GAB4: variants seen among roughly 807,000 people sequenced by gnomAD.
GAB4 encodes the protein GRB2 associated binding protein family member 4.
In GAB4, 26 loss-of-function variants were observed where a neutral mutation model predicts 51.3. The ratio of observed to expected loss-of-function variants is 0.51; its 90% CI spans 0.37 to 0.70. The LOEUF (loss-of-function observed/expected upper bound fraction) is 0.70, where lower values mean the gene tolerates loss of function less well. Ranked by LOEUF, GAB4 falls within the 30% of genes least tolerant of loss-of-function variation. GAB4 has a pLI of 0.00. For missense variants in GAB4, 759 were observed against 734.6 expected, an observed-to-expected ratio of 1.03 and a Z score of -0.38; for synonymous variants, 329 against 291.2, an observed-to-expected ratio of 1.13 and a Z score of -1.32.
chr22:16,985,182 G>A (rs992579386), intron 3 of GAB4, among the ~76,000 whole-genome samples: 6 of 152,128 alleles, frequency 3.9e-5, no homozygotes, highest in African/African-American at 1.4e-4. Flanking sequence ...TATCTCTCCC[G>A]AAATCCATCA....
intron 4 of GAB4, 189 bp downstream of exon 4, chr22:16,969,754 T>C (rs1468105875): frequency 1.4e-6 from 1 of 721,326 alleles, no homozygotes; most frequent in Non-Finnish European, 2.4e-6. Context: ...TGACTTGCCT[T>C]GGGCAGGGGA....
intron 1 of GAB4, among the ~76,000 whole-genome samples, chr22:16,992,890 C>A (rs536248247): frequency 2.6e-5 from 4 of 152,192 alleles, no homozygotes; most frequent in East Asian, 3.9e-4. Flanking sequence ...CTAGCTAATT[C>A]TTTAATATAT....
At chr22:16,965,742 C>A (rs906567711) in intron 6 of GAB4, among the ~76,000 whole-genome samples, 10 of 152,260 alleles carry the variant, frequency 6.6e-5, no homozygotes, top group African/African-American at 1.4e-4. Context: ...CAGGACTGAT[C>A]CCCACCCAGT....
intron 1 of GAB4, among the ~76,000 whole-genome samples, chr22:16,994,401 C>T (rs2060935581): frequency 6.6e-6 from 1 of 152,198 alleles, no homozygotes; most frequent in Non-Finnish European, 1.5e-5. Context: ...ATAAGTGCTA[C>T]TTATTTACAG....
intron 1 of GAB4, among the ~76,000 whole-genome samples, chr22:17,001,451 T>C (rs557410403): frequency 3.3e-4 from 51 of 152,356 alleles, no homozygotes; most frequent in African/African-American, 1.2e-3. Context: ...CTTGTGCATG[T>C]GTCATGTAGT....
intron 9 of GAB4, among the ~76,000 whole-genome samples, chr22:16,963,187 T>A (rs1308751547): frequency 1.3e-5 from 2 of 152,054 alleles, no homozygotes; most frequent in Non-Finnish European, 2.9e-5. Flanking sequence ...ATTTCCCAGG[T>A]GTCAACAAGC....
intron 3 of GAB4, among the ~76,000 whole-genome samples, chr22:16,970,923 C>T (rs140421900): frequency 1.7e-3 from 254 of 152,164 alleles, no homozygotes; most frequent in African/African-American, 5.4e-3. Context: ...AAGCCAGGCA[C>T]GGTGGCCCAC....
chr22:17,002,715 T>C (rs555802558), intron 1 of GAB4, among the ~76,000 whole-genome samples: 2 of 152,232 alleles, frequency 1.3e-5, no homozygotes, highest in African/African-American at 2.4e-5. Flanking sequence ...TTAGGAGATA[T>C]ACCTAATGTT....
intron 1 of GAB4, among the ~76,000 whole-genome samples, chr22:17,002,823 T>C (rs2061008788): frequency 2.0e-5 from 3 of 152,066 alleles, no homozygotes; most frequent in South Asian, 2.1e-4. Context: ...ACTTAAAGTA[T>C]AATTTAAAAA....
chr22:17,006,075 T>C (rs1435341381), intron 1 of GAB4, among the ~76,000 whole-genome samples: 1 of 152,164 alleles, frequency 6.6e-6, no homozygotes, highest in Non-Finnish European at 1.5e-5. Flanking sequence ...ATCATCAGCG[T>C]GAACAGGCAA....
intron 1 of GAB4, among the ~76,000 whole-genome samples, chr22:16,993,584 C>T (rs1384969899): frequency 6.6e-6 from 1 of 152,206 alleles, no homozygotes; most frequent in Non-Finnish European, 1.5e-5. Context: ...GGCAAAACCA[C>T]AGCCCCTGGC....
chr22:16,962,410 T>G lies in GAB4; in HGVS notation c.*323A>C. The stretch of plus-strand genomic sequence containing the variant: ...CAAGGTAGCTCCTCATGTTCCAGGA[T>G]TGAGGGAAACAGCCCAGAGGCTAGA... On this transcript the variant is annotated 3_prime_UTR_variant, in exon 10 of 10. Coordinates refer to ENST00000400588, the MANE Select transcript of GAB4 (RefSeq NM_001037814.1). The G allele has an allele frequency of 6.3e-5, 13 of 205,052 alleles. No homozygotes were observed. Among genetic ancestry groups the G allele is most frequent in the Middle Eastern group, 1.7e-3 (1 of 584 alleles). The allele number at this position is 205,052 out of a possible 1,614,324, so 12.7% of individuals were successfully genotyped here.
At chr22:16,992,297 C>T (rs1242174551) in intron 1 of GAB4, 121 bp from the exon 2 acceptor site, 19 of 829,204 alleles carry the variant, frequency 2.3e-5, no homozygotes, top group South Asian at 1.7e-4. Flanking sequence ...GTCTCCCTTT[C>T]GGATTTCCCC....
At chr22:16,964,364 A>C (rs1398109472) in intron 8 of GAB4, among the ~76,000 whole-genome samples, 2 of 152,198 alleles carry the variant, frequency 1.3e-5, no homozygotes, top group Non-Finnish European at 2.9e-5. Flanking sequence ...TGCCCTCTTC[A>C]GTGCCAATCT....
At chr22:16,965,748 C>T (rs796072841) in intron 6 of GAB4, among the ~76,000 whole-genome samples, 6 of 152,298 alleles carry the variant, frequency 3.9e-5, no homozygotes, top group African/African-American at 1.4e-4. Context: ...TGATCCCCAC[C>T]CAGTTATCCC....
At chr22:16,999,459 T>C (rs1436414130) in intron 1 of GAB4, among the ~76,000 whole-genome samples, 1 of 152,208 alleles carries the variant, frequency 6.6e-6, no homozygotes, top group African/African-American at 2.4e-5. Flanking sequence ...TGGTGGTAGT[T>C]TGTATTTCTG....
chr22:16,976,744 GA>G (rs1489313355), intron 3 of GAB4, among the ~76,000 whole-genome samples: 1 of 152,000 alleles, frequency 6.6e-6, no homozygotes, highest in African/African-American at 2.4e-5. Flanking sequence ...TGAAATGAAG[GA>G]AAAAATGCTA....
chr22:16,970,159 A>G lies in GAB4; in HGVS notation c.721T>C (p.Phe241Leu). 1.2e-6 allele frequency: 2 copies of G among 1,614,112 alleles called. No individual in the cohort carries two copies. The highest frequency in any genetic ancestry group is 1.7e-6 in the Non-Finnish European group (2 of 1,180,020). Residue 241 changes from phenylalanine (F) to leucine (L), a missense_variant, in exon 4 of 10, where the codon TTC (phenylalanine) becomes CTC (leucine). Around this residue, in one of 3 missense-constraint regions of GAB4, gnomAD observed 588 missense variants for 510.2 expected, o/e 1.15. Transcript: ENST00000400588. ...ATGGCTGTGTTTCTCCTCATGATGA[A>G]TGGGGCCTCAGAACCCTGGGAGAAG... The part of the protein sequence containing the change: ...ASFSQGSEAP[F>L]IMRRNTAMQN...
At position 16,988,005 on chromosome 22, in the gene GAB4, C is replaced by T. The variant is rs556202825; in HGVS notation, c.641G>A (p.Cys214Tyr). 8.7e-6 allele frequency: 14 copies of T among 1,609,938 alleles called. No homozygotes were observed. In the South Asian group the frequency reaches 1.0e-4, roughly 11 times the overall value. Residue 214 changes from cysteine (C) to tyrosine (Y), a missense_variant, in exon 3 of 10, where the codon TGT becomes TAT. Cys to Tyr is a radical substitution (Grantham distance 194). Transcript: ENST00000400588. ...GCTGGCGTGCTGGTGCGAGCGGAGA[C>T]ACCCCGGAGGTGCAGGGATGGGCCA... is the stretch of plus-strand genomic sequence containing the variant. ...PTWPIPAPPG[C>Y]LRSHQHASQR...
Sources: gnomAD v4.1 joint callset for allele counts (sites outside exome capture counted in the v4.1 genomes callset) on GRCh38, gnomAD v4.1.1 for gene constraint, gnomAD v4.1.1 regional missense constraint, MANE v1.5 for transcripts, NCBI Gene and HGNC (gene_info 2026-07-23, HGNC 2026-07-21) for gene names.